The following AK3 variants were observed in gnomAD, a reference collection of about 807,000 sequenced individuals.
AK3 encodes adenylate kinase 3, also known as GTP:AMP phosphotransferase AK3, mitochondrial.
Under a neutral mutation model 23.7 loss-of-function variants are expected in AK3, and 27 were observed. The ratio of observed to expected loss-of-function variants is 1.14; its 90% CI spans 0.84 to 1.57. The LOEUF is 1.57. Ranked by LOEUF, AK3 falls within the 40% of genes most tolerant of loss-of-function variation. The pLI is 0.00. For missense variants in AK3, 406 were observed against 285.6 expected (o/e 1.42, Z -3.04); for synonymous variants, 159 against 116.0 (o/e 1.37, Z -2.38).
intron 4 of AK3, among the ~76,000 whole-genome samples, chr9:4,713,955 C>T (rs1841633545): frequency 6.6e-6 from 1 of 152,100 alleles, no homozygotes; most frequent in African/African-American, 2.4e-5. Context: ...TACACGCCTA[C>T]ACATATACAC....
chr9:4,714,959 C>A (rs150111418), intron 4 of AK3, among the ~76,000 whole-genome samples: 86 of 152,192 alleles, frequency 5.7e-4, no homozygotes, highest in African/African-American at 2.0e-3. Context: ...TGGCTCAAGT[C>A]TGTAATCCCA....
At chr9:4,722,778 C>A (rs553168551) in intron 1 of AK3, among the ~76,000 whole-genome samples, 153 bp from the exon 2 acceptor site, 1 of 152,258 alleles carries the variant, frequency 6.6e-6, no homozygotes, top group South Asian at 2.1e-4. Context: ...AGGTTATGGC[C>A]GGGAACAGTG....
At chr9:4,732,370 T>C (rs958018647) in intron 1 of AK3, among the ~76,000 whole-genome samples, 6 of 152,218 alleles carry the variant, frequency 3.9e-5, no homozygotes, top group Non-Finnish European at 8.8e-5. Context: ...AGGCTCCTGG[T>C]CAACAGTAGG....
At position 4,722,621 on chromosome 9, in the gene AK3, A is replaced by C. The variant is rs1271367290; in HGVS notation, c.156T>G (p.Ile52Met). ...LRDNMLRGTE[I>M]GVLAKAFIDQ... ...CAATGAAAGCCTTGGCTAACACGCC[A>C]ATTTCTACAGCAAAGCGGGGAAAAA... Residue 52 changes from isoleucine to methionine, a missense_variant, in exon 2 of 5, where the codon ATT (isoleucine) becomes ATG (methionine). Ile to Met is a conservative substitution (Grantham distance 10, BLOSUM62 1). Coordinates refer to ENST00000381809, the MANE Select transcript of AK3 (RefSeq NM_016282.4). 6.2e-7 allele frequency: 1 copy of C among 1,614,164 alleles called. No individual in the cohort carries two copies. The highest frequency in any genetic ancestry group is 8.5e-7 in the Non-Finnish European group (1 of 1,180,018).
In AK3 at chr9:4,734,421, G is replaced by C. The variant is rs559061475; in HGVS notation, c.151+6516C>G. Among the ~76,000 whole-genome samples the C allele has an allele frequency of 6.6e-5, 10 of 152,316 alleles. No homozygotes were observed. The South Asian group carries it at 1.9e-3, about 28-fold the overall frequency. ...CATGCCCACACTCTGTGAGCACCTAGTGAAATCAGTTGCTCTCTGTGTCTC... is the reference window on the plus strand; with the variant it reads ...CATGCCCACACTCTGTGAGCACCTACTGAAATCAGTTGCTCTCTGTGTCTC... On this transcript the variant is annotated intron_variant, in intron 1 of 4. Transcript: ENST00000381809.
intron 2 of AK3, 96 bp from the exon 3 acceptor site, chr9:4,719,403 T>C (rs960801931): frequency 8.2e-6 from 8 of 976,050 alleles, no homozygotes; most frequent in Admixed American, 5.5e-5. Context: ...AAAGAAAGAA[T>C]TAATGTTGGA....
In AK3 at chr9:4,712,988, T is replaced by G; in HGVS notation, c.672A>C (p.Ser224=). 1 of 1,613,404 alleles carries G rather than the reference T, an allele frequency of 6.2e-7. No individual in the cohort carries two copies. The highest frequency in any genetic ancestry group is 8.5e-7 in the Non-Finnish European group (1 of 1,179,608). Residue 224 remains serine, a synonymous_variant, in exon 5 of 5, where the codon TCA becomes TCC. Coordinates refer to ENST00000381809, the MANE Select transcript of AK3 (RefSeq NM_016282.4). ...CACACATTTCTCCTCATGGAGTAAC[T>G]GAAGCTTTCTGGCTTCTTTGTGGAA... is the stretch of plus-strand genomic sequence containing the variant. ...TKVPQRSQKA[S]VTP
At chr9:4,718,170 G>C (rs1466021239) in intron 4 of AK3, among the ~76,000 whole-genome samples, 2 of 152,204 alleles carry the variant, frequency 1.3e-5, no homozygotes, top group African/African-American at 2.4e-5. Context: ...GGAAGCCTAA[G>C]GACAAAGCCA....
chr9:4,722,323 C>T (rs1249278474), intron 2 of AK3, among the ~76,000 whole-genome samples, 183 bp downstream of exon 2: 1 of 152,218 alleles, frequency 6.6e-6, no homozygotes, highest in Non-Finnish European at 1.5e-5. Flanking sequence ...ATGCACTTCA[C>T]TTCCCTCTTT....
chr9:4,722,927 G>A (rs569553127), intron 1 of AK3, among the ~76,000 whole-genome samples: 2 of 152,132 alleles, frequency 1.3e-5, no homozygotes, highest in Non-Finnish European at 2.9e-5. Flanking sequence ...ATGATGGCGG[G>A]TGCCTGTAAT....
chr9:4,739,079 C>G (rs1288084418), intron 1 of AK3, among the ~76,000 whole-genome samples: 1 of 151,888 alleles, frequency 6.6e-6, no homozygotes. Context: ...GGCCTACTCT[C>G]CTAGACTTTG....
At chr9:4,719,652 G>C (rs1402058858) in intron 2 of AK3, among the ~76,000 whole-genome samples, 1 of 152,180 alleles carries the variant, frequency 6.6e-6, no homozygotes, top group Non-Finnish European at 1.5e-5. Flanking sequence ...TAAGGCCTGA[G>C]TAGAACAAAA....
chr9:4,724,029 G>C (rs1174313687), intron 1 of AK3, among the ~76,000 whole-genome samples: 1 of 152,162 alleles, frequency 6.6e-6, no homozygotes, highest in Admixed American at 6.5e-5. Flanking sequence ...TAAATTGTCA[G>C]ATTCATGAAA....
At chr9:4,715,548 C>A (rs1292275584) in intron 4 of AK3, among the ~76,000 whole-genome samples, 7 of 152,048 alleles carry the variant, frequency 4.6e-5, no homozygotes, top group African/African-American at 7.2e-5. Flanking sequence ...GCATGTGCCA[C>A]CATGCCTGGC....
chr9:4,709,945 T>C lies in AK3; in HGVS notation c.*3031A>G, dbSNP rs1353300963. The C allele has an allele frequency of 6.6e-6, 1 of 152,194 alleles. No individual in the cohort carries two copies. The highest frequency in any genetic ancestry group is 1.5e-5 in the Non-Finnish European group (1 of 68,026). 9.4% of individuals were successfully genotyped at this position (152,194 alleles called of 1,614,324 possible). A position where few individuals can be genotyped will look rare whatever the true frequency, so the allele number is the denominator to read the frequency against. On this transcript the variant is annotated 3_prime_UTR_variant, in exon 5 of 5. Coordinates refer to ENST00000381809, the MANE Select transcript of AK3 (RefSeq NM_016282.4). ...GATCTATAATTACAATGATTTGTTG[T>C]TAGTATAGGGCAGTTTTGTCACAAG...
chr9:4,715,048 G>A (rs756913865), intron 4 of AK3, among the ~76,000 whole-genome samples: 5 of 151,634 alleles, frequency 3.3e-5, no homozygotes, highest in East Asian at 1.9e-4. Flanking sequence ...GCGAAACCCC[G>A]TCTCTACTAA....
intron 1 of AK3, among the ~76,000 whole-genome samples, chr9:4,732,967 C>A (rs1215836103): frequency 6.6e-6 from 1 of 151,892 alleles, no homozygotes; most frequent in Non-Finnish European, 1.5e-5. Flanking sequence ...AGCTTAGCTT[C>A]CCAAGTAGTT....
intron 1 of AK3, 30 bp downstream of exon 1, chr9:4,740,907 C>T (rs746926143): frequency 2.0e-6 from 3 of 1,496,552 alleles, no homozygotes; most frequent in South Asian, 2.6e-5. Context: ...GGTGACAGCG[C>T]ACGGCCGGCC....
At chr9:4,730,649 T>C (rs1263572957) in intron 1 of AK3, among the ~76,000 whole-genome samples, 1 of 152,196 alleles carries the variant, frequency 6.6e-6, no homozygotes, top group Non-Finnish European at 1.5e-5. Context: ...GAGTTTTGTT[T>C]ATATATAGAT....
Sources: allele counts gnomAD v4.1 joint callset (sites outside exome capture counted in the v4.1 genomes callset), GRCh38; gene constraint gnomAD v4.1.1; transcripts MANE v1.5; gene names NCBI Gene and HGNC (gene_info 2026-07-23, HGNC 2026-07-21).